STAP1: variants seen among roughly 807,000 people sequenced by gnomAD.
The protein encoded by STAP1 is signal-transducing adaptor protein 1.
STAP1 carries 30 observed loss-of-function variants against 37.8 expected under a neutral mutation model. The observed-to-expected ratio is 0.79, with a 90% CI of 0.59 to 1.08. The LOEUF (loss-of-function observed/expected upper bound fraction) is 1.08, where lower values mean the gene tolerates loss of function less well. Among genes scored for constraint, STAP1 ranks in the 50% least tolerant of loss-of-function variants. STAP1 has a pLI of 0.00. For missense variants in STAP1, 357 were observed against 349.4 expected, an observed-to-expected ratio of 1.02 and a Z score of -0.17; for synonymous variants, 130 against 116.0, an observed-to-expected ratio of 1.12 and a Z score of -0.78.
intron 4 of STAP1, among the ~76,000 whole-genome samples, chr4:67,581,087 A>G (rs1367587947): frequency 2.6e-5 from 4 of 152,190 alleles, no homozygotes; most frequent in Non-Finnish European, 5.9e-5. Flanking sequence ...ATTCCTTGGC[A>G]GAAGGGTAGG....
At chr4:67,565,944 T>C (rs1189442027) in intron 1 of STAP1, among the ~76,000 whole-genome samples, 7 of 138,128 alleles carry the variant, frequency 5.1e-5, no homozygotes, top group Non-Finnish European at 1.1e-4. Flanking sequence ...CTTTTTTTTT[T>C]TTTTTTTTTT....
intron 3 of STAP1, 83 bp from the exon 4 acceptor site, chr4:67,577,120 G>A (rs577467389): frequency 6.5e-6 from 8 of 1,221,578 alleles, no homozygotes; most frequent in Middle Eastern, 2.4e-4. Context: ...TATTTTTTAG[G>A]CTCAGTCATA....
chr4:67,575,112 A>G lies in STAP1; in HGVS notation c.193-273A>G, dbSNP rs572368635. 2.6e-5 allele frequency among the ~76,000 whole-genome samples: 4 copies of G among 152,290 alleles called. No homozygotes were observed. The South Asian group carries it at 8.3e-4, about 32-fold the overall frequency. On this transcript the variant is annotated intron_variant, in intron 2 of 8. Transcript: ENST00000265404. ...ATATAATTTATTTACTGGTATGTTT[A>G]TATAATTCGATTTTTAAAATAATGG...
chr4:67,590,908 A>G lies in STAP1; in HGVS notation c.684A>G (p.Lys228=), dbSNP rs1232064381. Residue 228 remains lysine, a synonymous_variant, in exon 7 of 9, where the codon AAA becomes AAG. Transcript: ENST00000265404. ...EIDIPRIKHY[K]VMSVGQNYTI... ...GCATTCCAAGAATCAAGCACTACAA[A>G]GTGATGAGCGTAGGACAAAACTACA... 1.2e-6 allele frequency: 2 copies of G among 1,612,826 alleles called. No homozygotes were observed.
chr4:67,603,184 C>T (rs1390347746), intron 8 of STAP1, among the ~76,000 whole-genome samples: 8 of 151,718 alleles, frequency 5.3e-5, no homozygotes, highest in Non-Finnish European at 2.9e-5. Flanking sequence ...AAGTACTGCC[C>T]GGCTACCACT....
At chr4:67,599,087 A>G (rs1466199989) in intron 8 of STAP1, among the ~76,000 whole-genome samples, 1 of 152,218 alleles carries the variant, frequency 6.6e-6, no homozygotes, top group Non-Finnish European at 1.5e-5. Flanking sequence ...CACGTTGGAT[A>G]ATCTAATATG....
chr4:67,571,228 G>C, intron 2 of STAP1, 73 bp downstream of exon 2: 1 of 1,060,180 alleles, frequency 9.4e-7, no homozygotes, highest in South Asian at 1.5e-5. Flanking sequence ...ATTCATTTTG[G>C]ATTTTCTGCC....
rs1295853956 is a variant in STAP1 at position 67,566,649 on chromosome 4, T to C, written c.121-4435T>C. Among the ~76,000 whole-genome samples, 3 of 152,082 alleles carry C rather than the reference T, an allele frequency of 2.0e-5. No homozygotes were observed. In the East Asian group the frequency reaches 5.8e-4, roughly 29 times the overall value. On this transcript the variant is annotated intron_variant, in intron 1 of 8. Coordinates refer to ENST00000265404, the MANE Select transcript of STAP1 (RefSeq NM_012108.4). ...GTCCTACTCTCTGCAAAGGAAATAA[T>C]TCACCCTGGCAGTACTGAGCAGAAT... is the stretch of plus-strand genomic sequence containing the variant.
At chr4:67,579,240 A>G (rs1257131783) in intron 4 of STAP1, among the ~76,000 whole-genome samples, 1 of 152,202 alleles carries the variant, frequency 6.6e-6, no homozygotes, top group African/African-American at 2.4e-5. Context: ...ATCATGGTAT[A>G]TGAACATTTA....
rs1727275302 is a variant in STAP1 at position 67,558,967 on chromosome 4, T to A, written c.120+38T>A. On this transcript the variant is annotated intron_variant, in intron 1 of 8. Transcript: ENST00000265404. ...ATGATAATGTTAAACCTAAGACTTC[T>A]GTTTTAATTTAATATTTATTTCATG... The A allele has an allele frequency of 2.0e-6, 3 of 1,516,530 alleles. No individual in the cohort carries two copies. In the African/African-American group the frequency reaches 4.2e-5, roughly 21 times the overall value. 93.9% of individuals were successfully genotyped at this position (1,516,530 alleles called of 1,614,324 possible).
At chr4:67,582,075 C>A (rs1276811810) in intron 5 of STAP1, among the ~76,000 whole-genome samples, 1 of 152,084 alleles carries the variant, frequency 6.6e-6, no homozygotes, top group Non-Finnish European at 1.5e-5. Context: ...CCCTGTTTGA[C>A]ATCAGGTTCT....
intron 7 of STAP1, 79 bp downstream of exon 7, chr4:67,591,032 AAGTTAAGGAGCC>A (rs1728109745): frequency 6.7e-6 from 7 of 1,047,306 alleles, no homozygotes; most frequent in Non-Finnish European, 9.9e-6. Context: ...AAAAGCAGCC[AAGTTAAGGAGCC>A]CTGAATGTGG....
chr4:67,574,254 A>G (rs1219615402), intron 2 of STAP1, among the ~76,000 whole-genome samples: 1 of 152,100 alleles, frequency 6.6e-6, no homozygotes, highest in East Asian at 1.9e-4. Context: ...ATTTTTGCCT[A>G]ACTCTTGCAT....
intron 6 of STAP1, among the ~76,000 whole-genome samples, chr4:67,588,821 G>C (rs745912617): frequency 6.6e-6 from 1 of 152,166 alleles, no homozygotes; most frequent in Non-Finnish European, 1.5e-5. Context: ...TAAAAACTTT[G>C]AGACAGACAG....
intron 2 of STAP1, 85 bp from the exon 3 acceptor site, chr4:67,575,300 A>G (rs1727692664): frequency 4.9e-6 from 4 of 811,946 alleles, no homozygotes; most frequent in Non-Finnish European, 5.8e-6. Flanking sequence ...AGTTGAAAGG[A>G]AGATATTACT....
At chr4:67,566,066 A>G in intron 1 of STAP1, among the ~76,000 whole-genome samples, 1 of 146,828 alleles carries the variant, frequency 6.8e-6, no homozygotes, top group East Asian at 2.0e-4. Flanking sequence ...CTCCTGTCTC[A>G]GCCTCCCAAG....
intron 8 of STAP1, among the ~76,000 whole-genome samples, chr4:67,598,911 T>C (rs937379058): frequency 6.6e-6 from 1 of 152,224 alleles, no homozygotes; most frequent in African/African-American, 2.4e-5. Flanking sequence ...AGTTTCATAG[T>C]TTCAGGTAAT....
At chr4:67,591,677 A>G (rs921725315) in intron 7 of STAP1, among the ~76,000 whole-genome samples, 2 of 152,180 alleles carry the variant, frequency 1.3e-5, no homozygotes. Flanking sequence ...GAAGATATTT[A>G]TATTTACCTA....
chr4:67,601,605 G>T (rs112369889), intron 8 of STAP1, among the ~76,000 whole-genome samples: 10 of 152,156 alleles, frequency 6.6e-5, no homozygotes, highest in African/African-American at 2.4e-4. Flanking sequence ...ATGTTTGAAG[G>T]ATATTTTCAC....
Sources: gnomAD v4.1 joint callset for allele counts (sites outside exome capture counted in the v4.1 genomes callset) on GRCh38, gnomAD v4.1.1 for gene constraint, MANE v1.5 for transcripts, NCBI Gene and HGNC (gene_info 2026-07-23, HGNC 2026-07-21) for gene names.